CNTN3: variants seen among roughly 807,000 people sequenced by gnomAD.
CNTN3 encodes the protein contactin-3.
CNTN3 carries 60 observed loss-of-function variants against 119.1 expected under a neutral mutation model. The observed-to-expected ratio is 0.50, with a 90% CI of 0.41 to 0.62. CNTN3 has a LOEUF of 0.62. Ranked by LOEUF, CNTN3 falls within the 20% of genes least tolerant of loss-of-function variation. CNTN3 has a pLI of 0.00. For missense variants in CNTN3, 1,101 were observed against 1,242.4 expected, an observed-to-expected ratio of 0.89 and a Z score of 1.71; for synonymous variants, 450 against 438.7, an observed-to-expected ratio of 1.03 and a Z score of -0.32.
chr3:74,418,732 T>C (rs1252898226), intron 5 of CNTN3, among the ~76,000 whole-genome samples: 3 of 152,226 alleles, frequency 2.0e-5, no homozygotes, highest in Non-Finnish European at 4.4e-5. Context: ...ACATACATTC[T>C]TGACTTCAAG....
intron 1 of CNTN3, among the ~76,000 whole-genome samples, chr3:74,576,909 T>TA (rs1704426642): frequency 6.6e-6 from 1 of 152,182 alleles, no homozygotes; most frequent in African/African-American, 2.4e-5. Context: ...CTTATTTTAC[T>TA]ACTTCTCAGG....
At chr3:74,424,456 G>T (rs1028275656) in intron 5 of CNTN3, among the ~76,000 whole-genome samples, 1 of 128,690 alleles carries the variant, frequency 7.8e-6, no homozygotes, top group African/African-American at 2.8e-5. Flanking sequence ...TAATAAGCTT[G>T]TGTGTGTGTG....
At chr3:74,407,536 G>A (rs931785278) in intron 5 of CNTN3, among the ~76,000 whole-genome samples, 4 of 150,918 alleles carry the variant, frequency 2.7e-5, no homozygotes, top group Non-Finnish European at 4.4e-5. Context: ...GCCTCTCAAA[G>A]TGCTGGGATT....
At chr3:74,323,384 G>T (rs1703044211) in intron 13 of CNTN3, among the ~76,000 whole-genome samples, 1 of 152,160 alleles carries the variant, frequency 6.6e-6, no homozygotes. Context: ...GAAATGTCCA[G>T]AATATGCAAA....
At chr3:74,543,417 T>C (rs568900707) in intron 1 of CNTN3, among the ~76,000 whole-genome samples, 2 of 152,314 alleles carry the variant, frequency 1.3e-5, no homozygotes, top group African/African-American at 4.8e-5. Flanking sequence ...TTTGGATACT[T>C]ATCTCTGTTT....
chr3:74,430,400 T>C (rs1701763464), intron 4 of CNTN3, among the ~76,000 whole-genome samples: 7 of 152,198 alleles, frequency 4.6e-5, no homozygotes, highest in Admixed American at 4.6e-4. Context: ...AAAAGGTTAC[T>C]TACTATATGA....
chr3:74,378,365 T>C (rs1246699415), intron 5 of CNTN3, among the ~76,000 whole-genome samples: 2 of 152,228 alleles, frequency 1.3e-5, no homozygotes, highest in Admixed American at 1.3e-4. Flanking sequence ...TTTTAAAAGC[T>C]GTATTGTAAG....
At chr3:74,566,695 C>G (rs1323297194) in intron 1 of CNTN3, among the ~76,000 whole-genome samples, 2 of 152,148 alleles carry the variant, frequency 1.3e-5, no homozygotes, top group African/African-American at 2.4e-5. Flanking sequence ...TACTTGGTTA[C>G]ATCTGCAAAG....
At chr3:74,266,447 T>A (rs760692193) in intron 22 of CNTN3, 34 bp downstream of exon 22, 84 of 1,596,972 alleles carry the variant, frequency 5.3e-5, no homozygotes, top group Non-Finnish European at 7.0e-5. Flanking sequence ...AACACTGATG[T>A]CAATAAAGTA....
chr3:74,315,359 C>A (rs1043926263), intron 13 of CNTN3, among the ~76,000 whole-genome samples: 2 of 152,150 alleles, frequency 1.3e-5, no homozygotes, highest in Non-Finnish European at 2.9e-5. Context: ...TGTTTCTTTA[C>A]TTCCCTGATA....
chr3:74,532,522 A>G (rs1703707577), intron 1 of CNTN3, among the ~76,000 whole-genome samples: 1 of 152,010 alleles, frequency 6.6e-6, no homozygotes, highest in Non-Finnish European at 1.5e-5. Context: ...TAAAAATAAA[A>G]CAAGGGTGAT....
At chr3:74,416,539 T>C (rs539684035) in intron 5 of CNTN3, among the ~76,000 whole-genome samples, 2 of 152,244 alleles carry the variant, frequency 1.3e-5, no homozygotes, top group East Asian at 1.9e-4. Context: ...TGTGTGAGTG[T>C]GATTGTAGCA....
intron 1 of CNTN3, among the ~76,000 whole-genome samples, chr3:74,590,786 T>C (rs1054737976): frequency 3.3e-5 from 5 of 152,024 alleles, no homozygotes; most frequent in African/African-American, 9.7e-5. Context: ...ATTCATAACA[T>C]TCAGATGTCA....
chr3:74,520,987 A>G (rs1348963950), intron 2 of CNTN3, 71 bp downstream of exon 2: 2 of 810,812 alleles, frequency 2.5e-6, no homozygotes, highest in African/African-American at 1.8e-5. Context: ...TTCAACATCT[A>G]AAAATTATGT....
At chr3:74,427,025 C>T (rs1017409750) in intron 4 of CNTN3, among the ~76,000 whole-genome samples, 1 of 152,118 alleles carries the variant, frequency 6.6e-6, no homozygotes, top group Non-Finnish European at 1.5e-5. Flanking sequence ...TCTACGGAAA[C>T]CAGTAATGTC....
intron 19 of CNTN3, among the ~76,000 whole-genome samples, 188 bp downstream of exon 19, chr3:74,294,933 A>C (rs191949566): frequency 1.4e-4 from 21 of 152,264 alleles, no homozygotes; most frequent in Non-Finnish European, 2.6e-4. Flanking sequence ...TTCTACTCCA[A>C]CTAATGTTAT....
At chr3:74,429,640 A>G (rs1559597427) in intron 4 of CNTN3, among the ~76,000 whole-genome samples, 1 of 152,138 alleles carries the variant, frequency 6.6e-6, no homozygotes, top group African/African-American at 2.4e-5. Context: ...AATAAACCAG[A>G]CTGCATCAAC....
chr3:74,432,914 C>T (rs1225413926), intron 4 of CNTN3, among the ~76,000 whole-genome samples: 4 of 152,100 alleles, frequency 2.6e-5, no homozygotes, highest in Non-Finnish European at 5.9e-5. Flanking sequence ...AAAACTTTAT[C>T]CTTATGAAAA....
At chr3:74,342,182 G>C (rs1703564426) in intron 11 of CNTN3, among the ~76,000 whole-genome samples, 1 of 151,970 alleles carries the variant, frequency 6.6e-6, no homozygotes, top group African/African-American at 2.4e-5. Flanking sequence ...ATAAACATGA[G>C]AGAAAAAGAC....
Sources: allele counts gnomAD v4.1 joint callset (sites outside exome capture counted in the v4.1 genomes callset), GRCh38; gene constraint gnomAD v4.1.1; transcripts MANE v1.5; gene names NCBI Gene and HGNC (gene_info 2026-07-23, HGNC 2026-07-21).